The following LRP1B variants were observed in gnomAD, a reference collection of about 807,000 sequenced individuals.
The protein encoded by LRP1B is LDL receptor related protein 1B, also known as low-density lipoprotein receptor-related protein 1B.
Under a neutral mutation model 556.6 loss-of-function variants are expected in LRP1B, and 217 were observed. The observed-to-expected ratio is 0.39, with a 90% confidence interval of 0.35 to 0.44. The LOEUF (loss-of-function observed/expected upper bound fraction) is 0.44, where lower values mean the gene tolerates loss of function less well. Ranked by LOEUF, LRP1B falls within the 20% of genes least tolerant of loss-of-function variation. The pLI is 1.00. For synonymous variants in LRP1B, 2,047 were observed against 1,865.8 expected (o/e 1.10, Z -2.50); for missense variants, 5,053 against 5,620.8 (o/e 0.90, Z 3.23).
Position 140,483,644 on chromosome 2 carries a change from T to A in LRP1B, c.9425+1699A>T, listed in dbSNP as rs868332688. ...TATATATATATATATATATATATTT[T>A]TTTTTTTTTTTTTTGAGACACTGTC... On this transcript the variant is annotated intron_variant, in intron 59 of 90. Coordinates refer to ENST00000389484, the MANE Select transcript of LRP1B (RefSeq NM_018557.3). Among the ~76,000 whole-genome samples the A allele has an allele frequency of 6.1e-3, 483 of 79,638 alleles. 1 individual carries two copies. The highest frequency in any genetic ancestry group is 0.024 in the South Asian group (41 of 1,716). 52.2% of individuals were successfully genotyped at this position (79,638 alleles called of 152,430 possible).
chr2:141,877,435 C>T (rs550505067), intron 1 of LRP1B, among the ~76,000 whole-genome samples: 2 of 151,972 alleles, frequency 1.3e-5, no homozygotes, highest in African/African-American at 4.8e-5. Context: ...ATATGTGTTA[C>T]CCACTTGTAG....
At chr2:140,797,471 G>T (rs559668547) in intron 32 of LRP1B, among the ~76,000 whole-genome samples, 1 of 152,070 alleles carries the variant, frequency 6.6e-6, no homozygotes, top group African/African-American at 2.4e-5. Context: ...ATAACAGCTT[G>T]AAATATTTAC....
intron 66 of LRP1B, among the ~76,000 whole-genome samples, chr2:140,404,700 C>T (rs993213113): frequency 6.6e-6 from 1 of 152,062 alleles, no homozygotes; most frequent in Non-Finnish European, 1.5e-5. Flanking sequence ...ACCTAACACA[C>T]AAGGATTCAT....
chr2:141,921,991 C>G (rs1432099726), intron 1 of LRP1B, among the ~76,000 whole-genome samples: 1 of 151,954 alleles, frequency 6.6e-6, no homozygotes, highest in Non-Finnish European at 1.5e-5. Context: ...TCTAAGTCAG[C>G]TAGCATCCAA....
chr2:142,046,310 C>G (rs537808105), intron 1 of LRP1B, among the ~76,000 whole-genome samples: 1 of 152,034 alleles, frequency 6.6e-6, no homozygotes, highest in South Asian at 2.1e-4. Context: ...TGGATGCTGG[C>G]TCATTCCAGT....
intron 83 of LRP1B, among the ~76,000 whole-genome samples, chr2:140,307,249 T>C (rs1426255323): frequency 6.6e-6 from 1 of 151,978 alleles, no homozygotes; most frequent in Non-Finnish European, 1.5e-5. Context: ...CATCACATTC[T>C]GTAAACAGCA....
At chr2:140,357,085 T>C (rs1295240721) in intron 74 of LRP1B, among the ~76,000 whole-genome samples, 2 of 151,768 alleles carry the variant, frequency 1.3e-5, no homozygotes, top group Admixed American at 6.6e-5. Context: ...AGGATAGCAG[T>C]TGCAATTTTA....
At chr2:140,955,511 G>T (rs1695846217) in intron 18 of LRP1B, among the ~76,000 whole-genome samples, 1 of 151,566 alleles carries the variant, frequency 6.6e-6, no homozygotes, top group Non-Finnish European at 1.5e-5. Flanking sequence ...GAACAAAAAT[G>T]GCTTACATGT....
At chr2:141,748,673 G>C (rs996158064) in intron 2 of LRP1B, among the ~76,000 whole-genome samples, 4 of 152,176 alleles carry the variant, frequency 2.6e-5, no homozygotes. Context: ...ATATGTGCTG[G>C]TGTGAGTTTC....
intron 3 of LRP1B, among the ~76,000 whole-genome samples, chr2:141,352,845 G>A (rs910309306): frequency 6.6e-6 from 1 of 151,862 alleles, no homozygotes; most frequent in Non-Finnish European, 1.5e-5. Context: ...GTCTGATGCA[G>A]TCTCAGTTGG....
chr2:140,391,493 CGGA>C (rs1413450283), intron 66 of LRP1B, among the ~76,000 whole-genome samples: 5 of 135,216 alleles, frequency 3.7e-5, no homozygotes, highest in Admixed American at 7.3e-5. Flanking sequence ...ACTCATCAAA[CGGA>C]ATAAGAGCTG....
At chr2:141,507,291 TTTG>T (rs1444309122) in intron 2 of LRP1B, among the ~76,000 whole-genome samples, 2 of 152,186 alleles carry the variant, frequency 1.3e-5, no homozygotes, top group Non-Finnish European at 2.9e-5. Context: ...AACCCAGATT[TTTG>T]TTGTTGTCAT....
chr2:140,591,697 T>C (rs1574116489), intron 43 of LRP1B, among the ~76,000 whole-genome samples: 1 of 152,214 alleles, frequency 6.6e-6, no homozygotes, highest in African/African-American at 2.4e-5. Context: ...TGTCTGAGAC[T>C]CTGCCCAGAT....
In LRP1B at chr2:140,799,598, T is replaced by C. The variant is rs1453267548; in HGVS notation, c.5359+14059A>G. On this transcript the variant is annotated intron_variant, in intron 32 of 90. Coordinates refer to ENST00000389484, the MANE Select transcript of LRP1B (RefSeq NM_018557.3). ...TATGATTCATTTGGCTAGTCCTTTATAATGCAGATGTAGATTTTTCCCCAG... is the reference window on the plus strand; with the variant it reads ...TATGATTCATTTGGCTAGTCCTTTACAATGCAGATGTAGATTTTTCCCCAG... 3.3e-5 allele frequency among the ~76,000 whole-genome samples: 5 copies of C among 152,256 alleles called. No individual in the cohort carries two copies. In the East Asian group the frequency reaches 7.7e-4, roughly 23 times the overall value.
chr2:141,737,556 A>T (rs888122856), intron 2 of LRP1B, among the ~76,000 whole-genome samples: 1 of 152,178 alleles, frequency 6.6e-6, no homozygotes, highest in African/African-American at 2.4e-5. Context: ...TTCAGGGAAA[A>T]AAACTGCATT....
At chr2:140,343,461 T>C (rs546164992) in intron 77 of LRP1B, among the ~76,000 whole-genome samples, 1 of 151,720 alleles carries the variant, frequency 6.6e-6, no homozygotes, top group African/African-American at 2.4e-5. Context: ...AGACATTATT[T>C]GCAATAACAA....
At chr2:141,576,437 C>T (rs1438710307) in intron 2 of LRP1B, among the ~76,000 whole-genome samples, 1 of 151,968 alleles carries the variant, frequency 6.6e-6, no homozygotes, top group Non-Finnish European at 1.5e-5. Flanking sequence ...CAACATACAC[C>T]AGGGCCTGTT....
chr2:141,099,810 C>T (rs374952087), intron 7 of LRP1B, among the ~76,000 whole-genome samples: 63 of 152,220 alleles, frequency 4.1e-4, no homozygotes, highest in African/African-American at 1.4e-3. Context: ...GTTTTGAGTT[C>T]CACCCATATT....
intron 7 of LRP1B, among the ~76,000 whole-genome samples, chr2:141,108,334 C>CTTTTTTTTTTTTTTTTTTTT (rs60275697): frequency 3.4e-5 from 3 of 88,514 alleles, no homozygotes; most frequent in African/African-American, 4.8e-5. Flanking sequence ...TAATCTGTTT[C>CTTTTTTTTTTTTTTTTTTTT]TTTTTTTTTT....
Sources: gnomAD v4.1 joint callset for allele counts (sites outside exome capture counted in the v4.1 genomes callset) on GRCh38, gnomAD v4.1.1 for gene constraint, MANE v1.5 for transcripts, NCBI Gene and HGNC (gene_info 2026-07-23, HGNC 2026-07-21) for gene names.